Variants in WDR62 observed in about 807,000 individuals in gnomAD.
The protein encoded by WDR62 is WD repeat-containing protein 62.
Under a neutral mutation model 160.6 loss-of-function variants are expected in WDR62, and 112 were observed. The ratio of observed to expected loss-of-function variants is 0.70; its 90% CI spans 0.60 to 0.82. The LOEUF (loss-of-function observed/expected upper bound fraction) is 0.82, where lower values mean the gene tolerates loss of function less well. Ranked by LOEUF, WDR62 falls within the 40% of genes least tolerant of loss-of-function variation. WDR62 has a pLI of 0.00. For synonymous variants in WDR62, 792 were observed against 815.1 expected (o/e 0.97, Z 0.48); for missense variants, 1,819 against 1,983.8 (o/e 0.92, Z 1.58).
At chr19:36,072,803 T>A (rs1034230878) in intron 8 of WDR62, among the ~76,000 whole-genome samples, 2 of 152,196 alleles carry the variant, frequency 1.3e-5, no homozygotes, top group African/African-American at 4.8e-5. Context: ...TACCTCCCTG[T>A]GCTTCCGTTT....
intron 20 of WDR62, among the ~76,000 whole-genome samples, chr19:36,096,421 C>G (rs1292452417): frequency 6.6e-6 from 1 of 152,052 alleles, no homozygotes; most frequent in African/African-American, 2.4e-5. Context: ...AAAAGAGAAC[C>G]CCGGCTGGGC....
intron 10 of WDR62, 23 bp from the exon 11 acceptor site, chr19:36,083,040 C>T (rs1462151043): frequency 6.2e-7 from 1 of 1,605,756 alleles, no homozygotes. Context: ...CTCGTGCTGA[C>T]CTCAGCCCTG....
At chr19:36,105,735 G>T (rs1417493271), downstream of WDR62, among the ~76,000 whole-genome samples, 2 of 152,076 alleles carry the variant, frequency 1.3e-5, no homozygotes, top group African/African-American at 2.4e-5. Flanking sequence ...ATCTTGCTGT[G>T]TCATCCAGGC....
chr19:36,104,883 T>C lies in WDR62; in HGVS notation c.4427T>C (p.Val1476Ala), dbSNP rs1973653215. ...LEAECLVGTSVAPAQALPSPG... is the reference protein window; with the variant it reads ...LEAECLVGTSAAPAQALPSPG... ...GCTGAATGCCTGGTGGGGACTAGTG[T>C]GGCCCCAGCCCAGGCTCTGCCCAGC... Residue 1476 changes from valine to alanine, a missense_variant, in exon 32 of 32, where the codon GTG becomes GCG. Val to Ala is a moderately conservative substitution (Grantham distance 64). Coordinates refer to ENST00000401500, the MANE Select transcript of WDR62 (RefSeq NM_001083961.2). 1 of 1,612,322 alleles carries C rather than the reference T, an allele frequency of 6.2e-7. No individual in the cohort carries two copies. Among genetic ancestry groups the C allele is most frequent in the Admixed American group, 1.7e-5 (1 of 59,984 alleles).
In WDR62 at chr19:36,066,002, T is replaced by C; in HGVS notation, c.377T>C (p.Ile126Thr). The C allele has an allele frequency of 6.2e-7, 1 of 1,614,070 alleles. No homozygotes were observed. Among genetic ancestry groups the C allele is most frequent in the Non-Finnish European group, 8.5e-7 (1 of 1,180,006 alleles). Reference sequence around the variant, plus strand: ...GCCTTCTCCCCTGATGGGAAGTACATAGTGACAGGGGAGGTGAGTCGTGAT... The same window carrying C: ...GCCTTCTCCCCTGATGGGAAGTACACAGTGACAGGGGAGGTGAGTCGTGAT... ...ALAFSPDGKYIVTGENGHRPA... is the reference protein window; with the variant it reads ...ALAFSPDGKYTVTGENGHRPA... Residue 126 changes from isoleucine (I) to threonine (T), a missense_variant, in exon 4 of 32, where the codon ATA (isoleucine) becomes ACA (threonine). By Grantham distance (89) the Ile-to-Thr change is moderately conservative. Transcript: ENST00000401500.
At chr19:36,070,476 C>G (rs553260647) in intron 7 of WDR62, 3 of 152,308 alleles carry the variant, frequency 2.0e-5, no homozygotes, top group Admixed American at 6.5e-5. Flanking sequence ...CATTGCAGAG[C>G]TTCTTTCCTT....
intron 1 of WDR62, 86 bp downstream of exon 1, chr19:36,055,234 C>G: frequency 1.4e-6 from 2 of 1,460,570 alleles, no homozygotes; most frequent in Non-Finnish European, 1.9e-6. Context: ...GCCCCGACAT[C>G]AGCCCCCGGC....
chr19:36,105,510 G>A (rs1973691801), downstream of WDR62, among the ~76,000 whole-genome samples: 1 of 151,614 alleles, frequency 6.6e-6, no homozygotes, highest in Non-Finnish European at 1.5e-5. Flanking sequence ...GTCCACGGTG[G>A]TGGTGTCCCC....
In WDR62 at chr19:36,094,176, G is replaced by GA. The variant is rs1972811606; in HGVS notation, c.2467+12_2467+13insA. 6.2e-7 allele frequency: 1 copy of GA among 1,613,614 alleles called. No homozygotes were observed. Among genetic ancestry groups the GA allele is most frequent in the South Asian group, 1.1e-5 (1 of 91,068 alleles). On this transcript the variant is annotated intron_variant, in intron 20 of 31. Coordinates refer to ENST00000401500, the MANE Select transcript of WDR62 (RefSeq NM_001083961.2). ...TAGCTTGGATCCAGGTTGGAAAAGG[G>GA]GCCCTATTTTGAACTATGTCAGTGT...
intron 3 of WDR62, among the ~76,000 whole-genome samples, chr19:36,064,652 G>C (rs569846943): frequency 6.6e-6 from 1 of 151,364 alleles, no homozygotes; most frequent in African/African-American, 2.4e-5. Flanking sequence ...ATCTTGGCTT[G>C]CTGCAACCTC....
At chr19:36,104,735 G>A in intron 31 of WDR62, 33 bp from the exon 32 acceptor site, 1 of 1,613,808 alleles carries the variant, frequency 6.2e-7, no homozygotes, top group Non-Finnish European at 8.5e-7. Flanking sequence ...GCCCGGCCTT[G>A]GTGGCCCCTG....
chr19:36,068,603 T>A (rs1479202951), intron 7 of WDR62, among the ~76,000 whole-genome samples: 1 of 152,208 alleles, frequency 6.6e-6, no homozygotes, highest in Non-Finnish European at 1.5e-5. Flanking sequence ...ACAAAGCACA[T>A]CTTGCACCGC....
At chr19:36,068,986 A>AC (rs926862066) in intron 7 of WDR62, among the ~76,000 whole-genome samples, 5 of 137,930 alleles carry the variant, frequency 3.6e-5, no homozygotes, top group African/African-American at 1.4e-4. Context: ...GCGGAGGCGG[A>AC]CCCCCACCTC....
intron 20 of WDR62, 48 bp from the exon 21 acceptor site, chr19:36,096,979 G>A: frequency 1.3e-6 from 2 of 1,572,538 alleles, no homozygotes; most frequent in Non-Finnish European, 1.7e-6. Context: ...TATGTGGCCT[G>A]TTTGTTGGGT....
chr19:36,071,033 C>T (rs558238906), intron 7 of WDR62: 14 of 169,210 alleles, frequency 8.3e-5, no homozygotes, highest in Admixed American at 3.4e-4. Context: ...CATGGTGAAA[C>T]CCCATCTCAA....
intron 21 of WDR62, among the ~76,000 whole-genome samples, chr19:36,098,473 G>A (rs557502767): frequency 6.6e-6 from 1 of 151,620 alleles, no homozygotes; most frequent in Non-Finnish European, 1.5e-5. Flanking sequence ...GCTGAGGCAG[G>A]AGAATCACTT....
intron 9 of WDR62, among the ~76,000 whole-genome samples, chr19:36,079,136 C>G (rs1971750231): frequency 6.6e-6 from 1 of 152,114 alleles, no homozygotes; most frequent in Non-Finnish European, 1.5e-5. Flanking sequence ...GGCTGGAGTG[C>G]AGTGGCATGA....
Position 36,083,261 on chromosome 19 carries a change from G to C in WDR62, c.1550+20G>C. On this transcript the variant is annotated intron_variant, in intron 11 of 31. Coordinates refer to ENST00000401500, the MANE Select transcript of WDR62 (RefSeq NM_001083961.2). ...TCTGAGGCAAGTGGGCCCTGGCAGT[G>C]TCCAGTGTACACCTCCCAGCTCCAG... The C allele has an allele frequency of 6.3e-7, 1 of 1,579,648 alleles. No individual in the cohort carries two copies. The highest frequency in any genetic ancestry group is 2.3e-5 in the East Asian group (1 of 43,306).
intron 9 of WDR62, among the ~76,000 whole-genome samples, chr19:36,077,300 TG>T (rs1971630092): frequency 7.9e-6 from 1 of 126,254 alleles, no homozygotes; most frequent in Non-Finnish European, 1.6e-5. Context: ...TTTTTTGAGA[TG>T]GAGTCTCACT....
Sources: gnomAD v4.1 joint callset for allele counts (sites outside exome capture counted in the v4.1 genomes callset) on GRCh38, gnomAD v4.1.1 for gene constraint, MANE v1.5 for transcripts, NCBI Gene and HGNC (gene_info 2026-07-23, HGNC 2026-07-21) for gene names.